Variants in BCOR observed in about 807,000 individuals in gnomAD.
The protein encoded by BCOR is BCL6 corepressor, also known as BCL-6 corepressor.
Under a neutral mutation model 86.7 loss-of-function variants are expected in BCOR, and 10 were observed. That is an observed-to-expected ratio of 0.12 (90% confidence interval 0.07 to 0.20). The LOEUF is 0.20. BCOR is among the 10% of genes least tolerant of loss of function. BCOR has a pLI of 1.00. For synonymous variants in BCOR, 611 were observed against 609.0 expected (o/e 1.00, Z -0.05); for missense variants, 1,259 against 1,452.1 (o/e 0.87, Z 2.16).
At chrX:40,106,332 G>A (rs1466846964) in intron 1 of BCOR, among the ~76,000 whole-genome samples, 2 of 112,540 alleles carry the variant, frequency 1.8e-5, no homozygotes, top group Admixed American at 9.3e-5. Flanking sequence ...GCTGCAGCGA[G>A]GAGGATGATT....
At position 40,161,533 on chromosome X, in the gene BCOR, A is replaced by T. The variant is rs763813378; in HGVS notation, c.-41+15474T>A. Reference sequence around the variant, plus strand: ...TTTTTTTTTTTTTTTTTTTTTTGAGACTGAGTCTCGCTCTGTAGCCCAGGC... The same window carrying T: ...TTTTTTTTTTTTTTTTTTTTTTGAGTCTGAGTCTCGCTCTGTAGCCCAGGC... On this transcript the variant is annotated intron_variant, in intron 1 of 14. Coordinates refer to the BCOR transcript ENST00000342274. Among the ~76,000 whole-genome samples, 195 of 63,439 alleles carry T rather than the reference A, an allele frequency of 3.1e-3. 2 individuals carry two copies. The highest frequency in any genetic ancestry group is 0.013 in the African/African-American group (189 of 14,696). The allele number at this position is 63,439 out of a possible 115,157, so 55.1% of individuals were successfully genotyped here. A position where few individuals can be genotyped will look rare whatever the true frequency, so the allele number is the denominator to read the frequency against.
At chrX:40,155,045 G>A (rs1938258731) in intron 1 of BCOR, among the ~76,000 whole-genome samples, 1 of 111,148 alleles carries the variant, frequency 9.0e-6, no homozygotes, top group African/African-American at 3.3e-5. Context: ...CCCGGGGCTG[G>A]GGGAGTAGCT....
At chrX:40,094,994 G>A (rs1227807528) in intron 1 of BCOR, among the ~76,000 whole-genome samples, 1 of 112,259 alleles carries the variant, frequency 8.9e-6, no homozygotes, top group Non-Finnish European at 1.9e-5. Context: ...GGCCAGCCGA[G>A]CCCCAGCCGC....
At chrX:40,155,180 C>G (rs1274165137) in intron 1 of BCOR, among the ~76,000 whole-genome samples, 1 of 112,786 alleles carries the variant, frequency 8.9e-6, no homozygotes, top group Non-Finnish European at 1.9e-5. Flanking sequence ...GCGGTCAGTA[C>G]GGGCTGTTAA....
chrX:40,097,954 C>G lies in BCOR; in HGVS notation c.-780G>C, dbSNP rs749873265. On this transcript the variant is annotated 5_prime_UTR_variant, in exon 1 of 15. Transcript: ENST00000378444. Reference sequence around the variant, plus strand: ...ACCTTGCCGCTGGGAGCCCAGGCTCCGTCTGCCGCCGCACGCCGCGATCCC... The same window carrying G: ...ACCTTGCCGCTGGGAGCCCAGGCTCGGTCTGCCGCCGCACGCCGCGATCCC... Among the ~76,000 whole-genome samples, 2 of 110,458 alleles carry G rather than the reference C, an allele frequency of 1.8e-5. No individual in the cohort carries two copies. Among genetic ancestry groups the G allele is most frequent in the South Asian group, 7.7e-4 (2 of 2,590 alleles).
chrX:40,151,430 G>A (rs1938164015), intron 1 of BCOR, among the ~76,000 whole-genome samples: 1 of 113,235 alleles, frequency 8.8e-6, no homozygotes, highest in South Asian at 3.6e-4. Flanking sequence ...GTGTAAGACA[G>A]GGAGGACCAT....
intron 3 of BCOR, 61 bp downstream of exon 3, chrX:40,076,393 C>A: frequency 1.1e-6 from 1 of 911,848 alleles, no homozygotes; most frequent in Non-Finnish European, 1.6e-6. Context: ...CAAATTAATA[C>A]GATTGATTAC....
At chrX:40,160,143 T>C (rs192853719) in intron 1 of BCOR, among the ~76,000 whole-genome samples, 1 of 111,378 alleles carries the variant, frequency 9.0e-6, no homozygotes, top group East Asian at 2.8e-4. Flanking sequence ...AGTCTGGCTC[T>C]GTCGCCCAGG....
chrX:40,176,167 G>A (rs1011426679), intron 1 of BCOR, among the ~76,000 whole-genome samples: 3 of 113,111 alleles, frequency 2.7e-5, no homozygotes, highest in African/African-American at 9.6e-5. Context: ...GGGGCCGATG[G>A]TTTGTCTGCA....
chrX:40,108,923 G>A (rs1170347450), intron 1 of BCOR, among the ~76,000 whole-genome samples: 2 of 113,169 alleles, frequency 1.8e-5, no homozygotes, highest in Admixed American at 1.8e-4. Flanking sequence ...GTGCTTAAGG[G>A]GAAGGTAACA....
chrX:40,141,782 A>G (rs1030452197), intron 1 of BCOR, among the ~76,000 whole-genome samples: 3 of 111,323 alleles, frequency 2.7e-5, no homozygotes, highest in Admixed American at 1.9e-4. Context: ...CCTCCAAGGA[A>G]GGGGAAGTGA....
chrX:40,123,324 T>A (rs1237774266), intron 1 of BCOR, among the ~76,000 whole-genome samples: 1 of 107,737 alleles, frequency 9.3e-6, no homozygotes, highest in African/African-American at 3.5e-5. Context: ...GAGGGTGGTG[T>A]ATAGTCAGTA....
At chrX:40,169,670 G>T (rs1260268735) in intron 1 of BCOR, among the ~76,000 whole-genome samples, 2 of 111,260 alleles carry the variant, frequency 1.8e-5, no homozygotes, top group Non-Finnish European at 3.8e-5. Context: ...CCCCCCTACT[G>T]GTCGGAGCTG....
At chrX:40,143,812 C>T (rs1328434061) in intron 1 of BCOR, among the ~76,000 whole-genome samples, 4 of 112,050 alleles carry the variant, frequency 3.6e-5, no homozygotes, top group Non-Finnish European at 7.5e-5. Context: ...AAAAATTAGC[C>T]GGGCCTGGTG....
Position 40,051,916 on chromosome X carries a change from TA to T in BCOR, c.*192del. On this transcript the variant is annotated 3_prime_UTR_variant, in exon 15 of 15. Coordinates refer to ENST00000378444, the MANE Select transcript of BCOR (RefSeq NM_001123385.2). ...GTAAAGAAACATTATAACAACTTCA[TA>T]AAAACTGACTTAAAAGTTTAAAAGG... The T allele has an allele frequency of 2.8e-6, 1 of 351,419 alleles. No individual in the cohort carries two copies. Among genetic ancestry groups the T allele is most frequent in the Non-Finnish European group, 4.8e-6 (1 of 208,730 alleles). 29.0% of individuals were successfully genotyped at this position (351,419 alleles called of 1,213,427 possible).
chrX:40,106,955 A>G (rs1602226714), intron 1 of BCOR, among the ~76,000 whole-genome samples: 2 of 109,303 alleles, frequency 1.8e-5, no homozygotes, highest in Admixed American at 1.9e-4. Flanking sequence ...GGCCACAGAG[A>G]CTGTGACCAG....
chrX:40,144,050 T>G (rs1467169969), intron 1 of BCOR, among the ~76,000 whole-genome samples: 1 of 112,125 alleles, frequency 8.9e-6, no homozygotes. Context: ...CTCTACCTGT[T>G]CATGGGGACA....
Position 40,052,215 on chromosome X carries a change from T to C in BCOR, c.5162A>G (p.Lys1721Arg), listed in dbSNP as rs1224511017. 8.3e-7 allele frequency: 1 copy of C among 1,210,273 alleles called. No homozygotes were observed. Among genetic ancestry groups the C allele is most frequent in the Non-Finnish European group, 1.1e-6 (1 of 895,160 alleles). Residue 1721 changes from lysine (K) to arginine (R), a missense_variant, in exon 15 of 15, where the codon AAG (lysine) becomes AGG (arginine). Physicochemically the swap from Lys to Arg is conservative, Grantham distance 26 (BLOSUM62 2). Coordinates refer to ENST00000378444, the MANE Select transcript of BCOR (RefSeq NM_001123385.2). ...GAATTCCACCAGATCTAACAGCTCC[T>C]TACTTTCAGGGTTGAAGGCTTCCAG... The part of the protein sequence containing the change: ...KDLEAFNPES[K>R]ELLDLVEFTN...
intron 1 of BCOR, among the ~76,000 whole-genome samples, chrX:40,156,192 G>A (rs1322106374): frequency 4.9e-4 from 55 of 112,908 alleles, no homozygotes; most frequent in Non-Finnish European, 5.6e-5. Flanking sequence ...GATGGGTTGG[G>A]GGGAAGGGTA....
Sources: gnomAD v4.1 joint callset for allele counts (sites outside exome capture counted in the v4.1 genomes callset) on GRCh38, gnomAD v4.1.1 for gene constraint, MANE v1.5 for transcripts, NCBI Gene and HGNC (gene_info 2026-07-23, HGNC 2026-07-21) for gene names.